The following UTP4 variants were observed in gnomAD, a reference collection of about 807,000 sequenced individuals.
UTP4 encodes U3 small nucleolar RNA-associated protein 4 homolog.
In UTP4, 45 loss-of-function variants were observed where a neutral mutation model predicts 82.4. The ratio of observed to expected loss-of-function variants is 0.55; its 90% CI spans 0.43 to 0.70. The LOEUF is 0.70. Ranked by LOEUF, UTP4 falls within the 30% of genes least tolerant of loss-of-function variation. The pLI, the probability that UTP4 is intolerant of heterozygous loss-of-function variation, is 0.00. For missense variants in UTP4, 819 were observed against 858.3 expected (o/e 0.95, Z 0.57); for synonymous variants, 348 against 300.3 (o/e 1.16, Z -1.64).
intron 6 of UTP4, among the ~76,000 whole-genome samples, chr16:69,144,348 G>T (rs1005134374): frequency 6.6e-6 from 1 of 151,848 alleles, no homozygotes; most frequent in Non-Finnish European, 1.5e-5. Context: ...ACAGGCGCCC[G>T]CCTCTGTGCC....
At chr16:69,139,944 G>C (rs1962915874) in intron 5 of UTP4, 30 bp downstream of exon 5, 1 of 1,507,776 alleles carries the variant, frequency 6.6e-7, no homozygotes, top group South Asian at 1.1e-5. Flanking sequence ...CATTTGGGGT[G>C]TGGGTTTTGT....
chr16:69,153,084 G>A (rs1963318247), intron 8 of UTP4, among the ~76,000 whole-genome samples: 1 of 152,076 alleles, frequency 6.6e-6, no homozygotes, highest in African/African-American at 2.4e-5. Context: ...TCTCGTGCTT[G>A]TAGCACCCCC....
chr16:69,137,764 A>G (rs572699127), intron 3 of UTP4, 37 bp from the exon 4 acceptor site: 7 of 1,185,874 alleles, frequency 5.9e-6, no homozygotes, highest in South Asian at 4.9e-5. Context: ...AATGTTTACT[A>G]TTGATTTTTT....
intron 9 of UTP4, 147 bp downstream of exon 9, chr16:69,153,827 C>A: frequency 1.4e-6 from 1 of 695,834 alleles, no homozygotes. Flanking sequence ...TTAGATAAAG[C>A]AAATAAGCTG....
At chr16:69,160,571 T>C (rs1370951200) in intron 13 of UTP4, 109 bp downstream of exon 13, 8 of 772,076 alleles carry the variant, frequency 1.0e-5, no homozygotes, top group African/African-American at 1.8e-5. Flanking sequence ...TTTATTAGAC[T>C]TTTTTCTTTT....
At position 69,155,113 on chromosome 16, in the gene UTP4, A is replaced by G. The variant is rs767482255; in HGVS notation, c.1164+656A>G. 3.6e-4 allele frequency among the ~76,000 whole-genome samples: 55 copies of G among 152,350 alleles called. No homozygotes were observed. In the South Asian group the frequency reaches 4.1e-3, roughly 11 times the overall value. ...TTTTTAAAAACTACATACATGTTACATTCAACTTTTCTTTATTCTCCAGAT... is the reference window on the plus strand; with the variant it reads ...TTTTTAAAAACTACATACATGTTACGTTCAACTTTTCTTTATTCTCCAGAT... On this transcript the variant is annotated intron_variant, in intron 10 of 16. Coordinates refer to ENST00000314423, the MANE Select transcript of UTP4 (RefSeq NM_032830.3).
At chr16:69,157,449 C>T (rs1365786825) in intron 12 of UTP4, among the ~76,000 whole-genome samples, 1 of 152,174 alleles carries the variant, frequency 6.6e-6, no homozygotes, top group East Asian at 1.9e-4. Flanking sequence ...CTACTCTTTT[C>T]TCACTGGGTT....
Position 69,165,369 on chromosome 16 carries a change from A to G in UTP4, c.1676A>G (p.Gln559Arg). 6.2e-7 allele frequency: 1 copy of G among 1,614,138 alleles called. No homozygotes were observed. Among genetic ancestry groups the G allele is most frequent in the Non-Finnish European group, 8.5e-7 (1 of 1,180,024 alleles). Residue 559 changes from glutamine to arginine, a missense_variant, in exon 15 of 17, where the codon CAG (glutamine) becomes CGG (arginine). By Grantham distance (43) the Gln-to-Arg change is conservative. Transcript: ENST00000314423. ...TTTGAGTACAGCATCCCAGACAAAC[A>G]GTATACAGATTGGAGCCGGACTGTC... is the stretch of plus-strand genomic sequence containing the variant. ...QVFEYSIPDK[Q>R]YTDWSRTVQK... is the part of the protein sequence containing the mutation.
At chr16:69,147,493 A>C (rs139575921) in intron 6 of UTP4, among the ~76,000 whole-genome samples, 4 of 152,286 alleles carry the variant, frequency 2.6e-5, no homozygotes, top group African/African-American at 9.6e-5. Context: ...TGACAGAGCA[A>C]GACTCTGTCT....
chr16:69,134,268 G>A (rs1255358343), intron 2 of UTP4, among the ~76,000 whole-genome samples: 1 of 151,608 alleles, frequency 6.6e-6, no homozygotes, highest in East Asian at 1.9e-4. Context: ...TGAGTAGATG[G>A]GCAAATGAGT....
rs1441383240 is a variant in UTP4 at position 69,168,967 on chromosome 16, A to G, written c.*30A>G. Reference sequence around the variant, plus strand: ...GGGCACTGTCTGTGTCCTTCCTTGAACTGTCTACCCTGTTGCTTTTCACAA... The same window carrying G: ...GGGCACTGTCTGTGTCCTTCCTTGAGCTGTCTACCCTGTTGCTTTTCACAA... On this transcript the variant is annotated 3_prime_UTR_variant, in exon 17 of 17. Transcript: ENST00000314423. The G allele has an allele frequency of 7.7e-7, 1 of 1,302,014 alleles. No individual in the cohort carries two copies. Among genetic ancestry groups the G allele is most frequent in the Admixed American group, 1.7e-5 (1 of 59,628 alleles). 80.7% of individuals were successfully genotyped at this position (1,302,014 alleles called of 1,614,324 possible).
At chr16:69,132,817 G>A (rs1962662966) in intron 1 of UTP4, 128 bp downstream of exon 1, 1 of 226,412 alleles carries the variant, frequency 4.4e-6, no homozygotes, top group East Asian at 1.8e-4. Context: ...GGCGGGGTGG[G>A]GGCTACTCTG....
At chr16:69,152,612 G>A (rs900305568) in intron 8 of UTP4, among the ~76,000 whole-genome samples, 8 of 151,548 alleles carry the variant, frequency 5.3e-5, no homozygotes, top group Admixed American at 5.3e-4. Flanking sequence ...TGGGATTACA[G>A]GCACCCGCCA....
At chr16:69,136,208 T>C (rs1962809520) in intron 2 of UTP4, among the ~76,000 whole-genome samples, 1 of 152,174 alleles carries the variant, frequency 6.6e-6, no homozygotes, top group Admixed American at 6.5e-5. Flanking sequence ...GTCAAGCAGG[T>C]CTAAGCATAA....
intron 12 of UTP4, 45 bp downstream of exon 12, chr16:69,157,285 G>A (rs760861306): frequency 1.9e-6 from 3 of 1,605,770 alleles, no homozygotes; most frequent in Admixed American, 3.4e-5. Context: ...TCGTGTCTAA[G>A]ATGTAACTTT....
rs1298794635 is a variant in UTP4 at position 69,137,775 on chromosome 16, CTGTTTACTACCTCTTTCTCAAAT to C, written c.352-25_352-3del. The C allele has an allele frequency of 2.2e-6, 3 of 1,380,120 alleles. No individual in the cohort carries two copies. The highest frequency in any genetic ancestry group is 2.3e-5 in the South Asian group (2 of 86,174). 85.5% of individuals were successfully genotyped at this position (1,380,120 alleles called of 1,614,324 possible). A position where few individuals can be genotyped will look rare whatever the true frequency, so the allele number is the denominator to read the frequency against. ...ATAAAATGTTTACTATTGATTTTTT[CTGTTTACTACCTCTTTCTCAAAT>C]AGGTTGGTTGTGAAGATGGATCTGT... On this transcript the variant is annotated splice_polypyrimidine_tract_variant and splice_region_variant and intron_variant, in intron 3 of 16. Coordinates refer to ENST00000314423, the MANE Select transcript of UTP4 (RefSeq NM_032830.3).
intron 14 of UTP4, among the ~76,000 whole-genome samples, chr16:69,163,811 T>C (rs1963626273): frequency 6.6e-6 from 1 of 151,924 alleles, no homozygotes; most frequent in African/African-American, 2.4e-5. Flanking sequence ...GTTGGGAAGA[T>C]TAAATGTAAT....
intron 10 of UTP4, among the ~76,000 whole-genome samples, chr16:69,155,127 T>C (rs1475060804): frequency 6.6e-6 from 1 of 152,220 alleles, no homozygotes; most frequent in Non-Finnish European, 1.5e-5. Flanking sequence ...AACTTTTCTT[T>C]ATTCTCCAGA....
chr16:69,136,913 A>G (rs761764301), intron 3 of UTP4, 26 bp downstream of exon 3: 4 of 1,604,872 alleles, frequency 2.5e-6, no homozygotes, highest in Non-Finnish European at 3.4e-6. Context: ...TTGGTAATTC[A>G]AACCAAAATT....
Sources: gnomAD v4.1 joint callset for allele counts (sites outside exome capture counted in the v4.1 genomes callset) on GRCh38, gnomAD v4.1.1 for gene constraint, MANE v1.5 for transcripts, NCBI Gene and HGNC (gene_info 2026-07-23, HGNC 2026-07-21) for gene names.